Variants in IFRD1 observed in about 807,000 individuals in gnomAD.
The protein encoded by IFRD1 is interferon-related developmental regulator 1.
In IFRD1, 35 loss-of-function variants were observed where a neutral mutation model predicts 52.9. The observed-to-expected ratio is 0.66, with a 90% CI of 0.51 to 0.88. The LOEUF is 0.88. Among genes scored for constraint, IFRD1 ranks in the 40% least tolerant of loss-of-function variants. The probability of loss-of-function intolerance (pLI) is 0.00; values close to 1 mark genes in which losing one functional copy is unlikely to be tolerated. For missense variants in IFRD1, 517 were observed against 550.8 expected, an observed-to-expected ratio of 0.94 and a Z score of 0.61; for synonymous variants, 184 against 188.4, an observed-to-expected ratio of 0.98 and a Z score of 0.19.
rs1563273020 is a variant in IFRD1 at position 112,472,289 on chromosome 7, A to G, written c.1112A>G (p.Lys371Arg). The G allele has an allele frequency of 6.2e-7, 1 of 1,614,082 alleles. No homozygotes were observed. The highest frequency in any genetic ancestry group is 8.5e-7 in the Non-Finnish European group (1 of 1,179,960). ...ATGTATATTGATTGCTGGGTAAAAA[A>G]ACACACCTATGACACCTTTAAGGAG... is the stretch of plus-strand genomic sequence containing the variant. Reference protein sequence around the residue: ...ERMYIDCWVKKHTYDTFKEVL... With the variant: ...ERMYIDCWVKRHTYDTFKEVL... Residue 371 changes from lysine (K) to arginine (R), a missense_variant, in exon 10 of 12, where the codon AAA (lysine) becomes AGA (arginine). By Grantham distance (26) the Lys-to-Arg change is conservative (BLOSUM62 2). Transcript: ENST00000403825.
chr7:112,470,758 T>C (rs1795725333), intron 9 of IFRD1, among the ~76,000 whole-genome samples: 1 of 152,256 alleles, frequency 6.6e-6, no homozygotes. Flanking sequence ...CTTTAAATCA[T>C]CTGTAGATTA....
At chr7:112,448,139 A>AAAG (rs572989154), upstream of IFRD1, among the ~76,000 whole-genome samples, 121 of 151,614 alleles carry the variant, frequency 8.0e-4, 2 homozygotes, top group East Asian at 0.021. Flanking sequence ...AAAAAAAAAA[A>AAAG]AAAGAAAGAA....
rs565127729 is a variant in IFRD1 at position 112,437,023 on chromosome 7, G to A, written c.-181-13485G>A. On this transcript the variant is annotated intron_variant, in intron 1 of 12. Coordinates refer to the IFRD1 transcript ENST00000005558. ...TTGTTTGTTTGTTTTTTTGAGACAG[G>A]GTCTCTCTCAACCTCTAGGGCCCAC... Among the ~76,000 whole-genome samples, 14 of 151,956 alleles carry A rather than the reference G, an allele frequency of 9.2e-5. 1 individual carries two copies. In the South Asian group the frequency reaches 2.9e-3, roughly 32 times the overall value.
At chr7:112,468,137 A>G in intron 9 of IFRD1, 22 bp downstream of exon 9, 3 of 1,611,572 alleles carry the variant, frequency 1.9e-6, no homozygotes, top group Middle Eastern at 3.3e-4. Flanking sequence ...AAATGCTGTA[A>G]TAGCTTCTCA....
At chr7:112,427,726 C>G (rs1466509044) in intron 1 of IFRD1, among the ~76,000 whole-genome samples, 1 of 152,188 alleles carries the variant, frequency 6.6e-6, no homozygotes, top group Non-Finnish European at 1.5e-5. Flanking sequence ...TTTCTATGCT[C>G]TATCACAGAG....
At chr7:112,441,361 T>C (rs1584475470) in intron 1 of IFRD1, among the ~76,000 whole-genome samples, 1 of 151,192 alleles carries the variant, frequency 6.6e-6, no homozygotes, top group Non-Finnish European at 1.5e-5. Flanking sequence ...GAGGCTGTGG[T>C]GGGAGGGTTA....
At chr7:112,446,371 G>A, upstream of IFRD1, 1 of 173,582 alleles carries the variant, frequency 5.8e-6, no homozygotes, top group Middle Eastern at 3.1e-3. Context: ...CTCAGGAGTG[G>A]TGTAAACATT....
chr7:112,457,018 T>C lies in IFRD1; in HGVS notation c.389T>C (p.Ile130Thr), dbSNP rs937049450. 3 of 1,613,946 alleles carry C rather than the reference T, an allele frequency of 1.9e-6. No homozygotes were observed. The highest frequency in any genetic ancestry group is 2.2e-5 in the South Asian group (2 of 91,078). Residue 130 changes from isoleucine to threonine, a missense_variant, in exon 4 of 12, where the codon ATT (isoleucine) becomes ACT (threonine). Ile to Thr is a moderately conservative substitution (Grantham distance 89). Transcript: ENST00000403825. ...LERRMTLTDS[I>T]ERCLKKGKSD... ...AGGAGAATGACTTTAACTGATAGCA[T>C]TGAACGCTGCCTGAAAAAAGGTAAT...
chr7:112,437,393 A>G (rs6969176), intron 1 of IFRD1: 7,628 of 153,352 alleles, frequency 0.05, 271 homozygotes, highest in Admixed American at 0.12. Flanking sequence ...GATTTTCTAT[A>G]ATAATGATGA....
At chr7:112,469,021 G>GTTTTTTGGTAGGCCAGGTAAATA (rs1376392822) in intron 9 of IFRD1, among the ~76,000 whole-genome samples, 9 of 152,132 alleles carry the variant, frequency 5.9e-5, no homozygotes, top group South Asian at 2.1e-4. Flanking sequence ...TTTAATAATT[G>GTTTTTTGGTAGGCCAGGTAAATA]TTTTTTGGTA....
rs11773535 is a variant in IFRD1 at position 112,455,988 on chromosome 7, A to C, written c.200-14A>C. On this transcript the variant is annotated splice_polypyrimidine_tract_variant and intron_variant, in intron 2 of 11. Coordinates refer to ENST00000403825, the MANE Select transcript of IFRD1 (RefSeq NM_001550.4). ...TCTTTTAAATTACGATGGCTGTTTTATATTATTTCTTAGGACCAGAAGTCC... is the reference window on the plus strand; with the variant it reads ...TCTTTTAAATTACGATGGCTGTTTTCTATTATTTCTTAGGACCAGAAGTCC... 41,491 of 1,556,428 alleles carry C rather than the reference A, an allele frequency of 0.027. 668 individuals are homozygous for C. The highest frequency in any genetic ancestry group is 0.032 in the Non-Finnish European group (35,614 of 1,127,546).
chr7:112,435,999 C>T (rs907453685), intron 1 of IFRD1, among the ~76,000 whole-genome samples: 1 of 151,818 alleles, frequency 6.6e-6, no homozygotes, highest in African/African-American at 2.4e-5. Flanking sequence ...TCTCTTGCCT[C>T]AGCCTCCCAA....
chr7:112,428,382 G>C (rs1794473408), intron 1 of IFRD1, among the ~76,000 whole-genome samples: 1 of 152,200 alleles, frequency 6.6e-6, no homozygotes, highest in African/African-American at 2.4e-5. Flanking sequence ...GAGGTAAACA[G>C]GGTGGAAACA....
At chr7:112,433,099 A>G (rs1481961931) in intron 1 of IFRD1, among the ~76,000 whole-genome samples, 3 of 152,206 alleles carry the variant, frequency 2.0e-5, no homozygotes, top group Non-Finnish European at 4.4e-5. Context: ...TAACCTCCCA[A>G]TGGGTTCTCC....
chr7:112,456,796 A>C (rs752038407), intron 3 of IFRD1, 118 bp from the exon 4 acceptor site: 1 of 905,738 alleles, frequency 1.1e-6, no homozygotes, highest in Non-Finnish European at 1.7e-6. Flanking sequence ...GAGCTTGATG[A>C]GAATTAGATT....
At position 112,470,587 on chromosome 7, in the gene IFRD1, A is replaced by G. The variant is rs150400136; in HGVS notation, c.1042-1632A>G. On this transcript the variant is annotated intron_variant, in intron 9 of 11. Transcript: ENST00000403825. ...TTGTTCTAGATACTAGAGACAATTT[A>G]TGGAGAAGGAACCTGTGGAGAAAGG... Among the ~76,000 whole-genome samples, 18 of 152,334 alleles carry G rather than the reference A, an allele frequency of 1.2e-4. No homozygotes were observed. In the East Asian group the frequency reaches 2.9e-3, roughly 25 times the overall value.
chr7:112,458,318 C>CAA (rs58694028), intron 4 of IFRD1: 4 of 119,838 alleles, frequency 3.3e-5, no homozygotes, highest in Non-Finnish European at 5.3e-5. Flanking sequence ...GACCCTGTCT[C>CAA]AAAAAAAAAA....
At chr7:112,461,965 A>C in intron 6 of IFRD1, 36 bp from the exon 7 acceptor site, 1 of 1,602,486 alleles carries the variant, frequency 6.2e-7, no homozygotes, top group South Asian at 1.1e-5. Flanking sequence ...TTTCTAATTT[A>C]AGATGGTTAT....
chr7:112,453,062 T>C (rs1326893411), intron 1 of IFRD1, among the ~76,000 whole-genome samples: 1 of 152,210 alleles, frequency 6.6e-6, no homozygotes, highest in Non-Finnish European at 1.5e-5. Flanking sequence ...ACACAAACTT[T>C]TGCTTACTTA....
Sources: gnomAD v4.1 joint callset for allele counts (sites outside exome capture counted in the v4.1 genomes callset) on GRCh38, gnomAD v4.1.1 for gene constraint, MANE v1.5 for transcripts, NCBI Gene and HGNC (gene_info 2026-07-23, HGNC 2026-07-21) for gene names.